The following OSBPL1A variants were observed in gnomAD, a reference collection of about 807,000 sequenced individuals.
OSBPL1A encodes oxysterol-binding protein-related protein 1.
Under a neutral mutation model 137.1 loss-of-function variants are expected in OSBPL1A, and 80 were observed. That is an observed-to-expected ratio of 0.58 (90% CI 0.49 to 0.70). The LOEUF (loss-of-function observed/expected upper bound fraction) is 0.70, where lower values mean the gene tolerates loss of function less well. Ranked by LOEUF, OSBPL1A falls within the 30% of genes least tolerant of loss-of-function variation. The pLI, the probability that OSBPL1A is intolerant of heterozygous loss-of-function variation, is 0.00. For synonymous variants in OSBPL1A, 365 were observed against 389.7 expected (o/e 0.94, Z 0.75); for missense variants, 970 against 1,129.4 (o/e 0.86, Z 2.02).
Position 24,271,444 on chromosome 18 carries a change from G to T in OSBPL1A, c.1281+9398C>A, listed in dbSNP as rs920303791. 3.5e-6 allele frequency: 2 copies of T among 565,896 alleles called. No homozygotes were observed. Among genetic ancestry groups the T allele is most frequent in the Non-Finnish European group, 4.5e-6 (2 of 446,694 alleles). The allele number at this position is 565,896 out of a possible 1,614,324, so 35.1% of individuals were successfully genotyped here. On this transcript the variant is annotated intron_variant, in intron 15 of 27. Transcript: ENST00000319481. This position sits in a 1 kb window ranked among gnomAD's most constrained non-coding sequence, Gnocchi z 4.0. The stretch of plus-strand genomic sequence containing the variant: ...AAGAGAGCAGGGTCTCCCGGCTGGT[G>T]CGCCCCTCCCCACGCGCCCGCGGCT...
rs9946757 is a variant in OSBPL1A at position 24,365,236 on chromosome 18, G to A, written c.282+1656C>T. On this transcript the variant is annotated intron_variant, in intron 4 of 27. Coordinates refer to ENST00000319481, the MANE Select transcript of OSBPL1A (RefSeq NM_080597.4). ...TGCTACAGCATGGATGAACCTCAAC[G>A]ACATTATGCTAAATTAAAGAAGCCA... 2.1e-3 allele frequency among the ~76,000 whole-genome samples: 319 copies of A among 152,186 alleles called. 1 individual carries two copies. The highest frequency in any genetic ancestry group is 7.1e-3 in the African/African-American group (293 of 41,516).
At chr18:24,260,929 A>T (rs2089431972) in intron 15 of OSBPL1A, among the ~76,000 whole-genome samples, 1 of 151,906 alleles carries the variant, frequency 6.6e-6, no homozygotes, top group South Asian at 2.1e-4. Flanking sequence ...ATAAAAGCTT[A>T]TGTCCACATA....
At chr18:24,363,626 CCCTT>C (rs1013792546) in intron 4 of OSBPL1A, among the ~76,000 whole-genome samples, 5 of 148,806 alleles carry the variant, frequency 3.4e-5, no homozygotes, top group African/African-American at 5.0e-5. Context: ...CTTTTCTTTT[CCCTT>C]CCTTCCTTCC....
At chr18:24,206,895 T>A (rs139631542) in intron 17 of OSBPL1A, among the ~76,000 whole-genome samples, 1 of 152,272 alleles carries the variant, frequency 6.6e-6, no homozygotes, top group Non-Finnish European at 1.5e-5. Context: ...GTAATCCCCC[T>A]CCGCTCTGAG....
intron 15 of OSBPL1A, among the ~76,000 whole-genome samples, chr18:24,277,136 G>C (rs1257642169): frequency 6.6e-6 from 1 of 152,054 alleles, no homozygotes; most frequent in East Asian, 1.9e-4. Context: ...GCATTGGCAG[G>C]ACCAGGCCAT....
rs918021033 is a variant in OSBPL1A, at chr18:24,296,059, A to G, written c.1174+7578T>C. Among the ~76,000 whole-genome samples the G allele has an allele frequency of 6.6e-5, 10 of 152,078 alleles. No homozygotes were observed. The East Asian group carries it at 1.9e-3, about 29-fold the overall frequency. ...TGTGAAAAATTGTGATGGTATTTTG[A>G]TGGGAATTGCATTGCATCTGTAAAT... On this transcript the variant is annotated intron_variant, in intron 14 of 27. Coordinates refer to ENST00000319481, the MANE Select transcript of OSBPL1A (RefSeq NM_080597.4).
rs186898692 is a variant in OSBPL1A, at chr18:24,188,245, C to T, written c.1678-6966G>A. ...GGGATGCAATCTTGCAACTCTAAAG[C>T]AATGCTGCGTGCACTGCCATTTCTC... On this transcript the variant is annotated intron_variant, in intron 18 of 27. Transcript: ENST00000319481. 4.0e-3 allele frequency among the ~76,000 whole-genome samples: 607 copies of T among 152,266 alleles called. 3 individuals are homozygous for T. Among genetic ancestry groups the T allele is most frequent in the Non-Finnish European group, 4.4e-3 (296 of 68,024 alleles).
chr18:24,286,352 A>G (rs1296987993), intron 14 of OSBPL1A, among the ~76,000 whole-genome samples: 1 of 152,182 alleles, frequency 6.6e-6, no homozygotes, highest in African/African-American at 2.4e-5. Flanking sequence ...ATAAAAATAG[A>G]AATCTATTTT....
chr18:24,264,593 A>G (rs1274672022), intron 15 of OSBPL1A, among the ~76,000 whole-genome samples: 1 of 152,226 alleles, frequency 6.6e-6, no homozygotes, highest in Non-Finnish European at 1.5e-5. Flanking sequence ...AAATCTTCAC[A>G]AAAAGATGGA....
chr18:24,321,202 C>T (rs1272613871), intron 7 of OSBPL1A, among the ~76,000 whole-genome samples: 1 of 152,042 alleles, frequency 6.6e-6, no homozygotes, highest in East Asian at 1.9e-4. Context: ...AATTTACTCA[C>T]TTAAACTGCA....
intron 15 of OSBPL1A, among the ~76,000 whole-genome samples, chr18:24,248,772 G>A (rs1042445836): frequency 6.6e-6 from 1 of 151,934 alleles, no homozygotes; most frequent in Non-Finnish European, 1.5e-5. Context: ...AAATAAATAG[G>A]GCATTTTATA....
At chr18:24,165,005 TC>T in intron 27 of OSBPL1A, 59 bp downstream of exon 27, 1 of 1,547,382 alleles carries the variant, frequency 6.5e-7, no homozygotes, top group South Asian at 1.1e-5. Context: ...CATCCCTGCC[TC>T]GTCTGCACAC....
intron 14 of OSBPL1A, among the ~76,000 whole-genome samples, chr18:24,293,256 G>C (rs1407249682): frequency 6.6e-6 from 1 of 152,138 alleles, no homozygotes; most frequent in African/African-American, 2.4e-5. Context: ...GGCACAGAGG[G>C]GGAAAGGGGA....
intron 4 of OSBPL1A, 93 bp downstream of exon 4, chr18:24,366,799 G>A (rs769244631): frequency 4.5e-5 from 56 of 1,251,380 alleles, no homozygotes; most frequent in Admixed American, 2.6e-4. Context: ...GGCTTTCTTC[G>A]GTTGCTGGTC....
At chr18:24,338,075 CTTTCT>C (rs1367286624) in intron 5 of OSBPL1A, among the ~76,000 whole-genome samples, 4 of 133,676 alleles carry the variant, frequency 3.0e-5, no homozygotes, top group Non-Finnish European at 6.1e-5. Context: ...TTTTCTTTTT[CTTTCT>C]TTTTTTTTTT....
intron 13 of OSBPL1A, among the ~76,000 whole-genome samples, chr18:24,305,446 A>T (rs1263244802): frequency 6.6e-6 from 1 of 152,192 alleles, no homozygotes; most frequent in African/African-American, 2.4e-5. Context: ...TTCTGTTCTA[A>T]ACAACTTAGT....
At chr18:24,243,642 C>T (rs2088787578) in intron 15 of OSBPL1A, among the ~76,000 whole-genome samples, 2 of 152,344 alleles carry the variant, frequency 1.3e-5, no homozygotes, top group South Asian at 4.1e-4. Context: ...ACCGCATTCA[C>T]ATCTGTTCTC....
chr18:24,205,193 C>T (rs1279044196), intron 17 of OSBPL1A, among the ~76,000 whole-genome samples: 1 of 152,168 alleles, frequency 6.6e-6, no homozygotes, highest in Non-Finnish European at 1.5e-5. Flanking sequence ...ACTCCACAGC[C>T]GTCACTCCTG....
At chr18:24,325,497 G>A (rs1237224231) in intron 7 of OSBPL1A, among the ~76,000 whole-genome samples, 1 of 152,198 alleles carries the variant, frequency 6.6e-6, no homozygotes, top group Non-Finnish European at 1.5e-5. Context: ...GTTCACTCCT[G>A]TACTCAACTC....
Sources: allele counts gnomAD v4.1 joint callset (sites outside exome capture counted in the v4.1 genomes callset), GRCh38; gene constraint gnomAD v4.1.1; non-coding constraint Gnocchi (gnomAD v3.1); transcripts MANE v1.5; gene names NCBI Gene and HGNC (gene_info 2026-07-23, HGNC 2026-07-21).